The following PCNX1 variants were observed in gnomAD, a reference collection of about 807,000 sequenced individuals.
PCNX1 encodes the protein pecanex-like protein 1.
PCNX1 carries 78 observed loss-of-function variants against 242.2 expected under a neutral mutation model. That is an observed-to-expected ratio of 0.32 (90% CI 0.27 to 0.39). PCNX1 has a LOEUF of 0.39. Ranked by LOEUF, PCNX1 falls within the 10% of genes least tolerant of loss-of-function variation. The pLI, the probability that PCNX1 is intolerant of heterozygous loss-of-function variation, is 1.00. For synonymous variants in PCNX1, 1,024 were observed against 1,032.9 expected (o/e 0.99, Z 0.17); for missense variants, 2,581 against 2,856.5 (o/e 0.90, Z 2.20).
rs1248425945 is a variant in PCNX1 at position 71,113,196 on chromosome 14, A to G, written c.*3261A>G. 6.6e-6 allele frequency: 1 copy of G among 152,248 alleles called. No individual in the cohort carries two copies. The highest frequency in any genetic ancestry group is 2.4e-5 in the African/African-American group (1 of 41,472). The allele number at this position is 152,248 out of a possible 1,614,324, so 9.4% of individuals were successfully genotyped here. On this transcript the variant is annotated 3_prime_UTR_variant, in exon 36 of 36. Transcript: ENST00000304743. Reference sequence around the variant, plus strand: ...AGGAAATTAGTGAACAAACTTAACCAGTGTTCTGCCTTCTTTGACTTTGTT... The same window carrying G: ...AGGAAATTAGTGAACAAACTTAACCGGTGTTCTGCCTTCTTTGACTTTGTT...
chr14:71,039,679 A>G (rs1306622240), intron 19 of PCNX1, among the ~76,000 whole-genome samples: 1 of 152,196 alleles, frequency 6.6e-6, no homozygotes, highest in Non-Finnish European at 1.5e-5. Flanking sequence ...TGACTACCAC[A>G]GTCCATCAGT....
intron 8 of PCNX1, among the ~76,000 whole-genome samples, chr14:70,998,523 G>A (rs964450430): frequency 1.3e-5 from 2 of 151,644 alleles, no homozygotes; most frequent in African/African-American, 2.4e-5. Flanking sequence ...GGCCAAGACG[G>A]GCAGATCACT....
intron 5 of PCNX1, among the ~76,000 whole-genome samples, chr14:70,971,526 C>G (rs2058542508): frequency 6.6e-6 from 1 of 152,182 alleles, no homozygotes; most frequent in Non-Finnish European, 1.5e-5. Flanking sequence ...ACTCTTGGCA[C>G]TGTTTTAAGT....
rs1318441317 is a variant in PCNX1 at position 71,076,264 on chromosome 14, C to T, written c.5182C>T (p.Arg1728Cys). The change falls in exon 28 of 36, where the codon CGT (arginine) becomes TGT (cysteine). Residue 1728 changes from arginine (R) to cysteine (C), a missense_variant. Transcript: ENST00000304743. Reference protein sequence around the residue: ...LANETMQEGLRLCADRNYVDV... With the variant: ...LANETMQEGLCLCADRNYVDV... ...TAATGAGACAATGCAGGAAGGACTT[C>T]GTCTGTGTGCTGATCGCAATTATGT... The T allele has an allele frequency of 1.2e-6, 2 of 1,613,620 alleles. No homozygotes were observed. Among genetic ancestry groups the T allele is most frequent in the Non-Finnish European group, 1.7e-6 (2 of 1,179,894 alleles).
chr14:71,021,130 T>C (rs1314258569), intron 12 of PCNX1, among the ~76,000 whole-genome samples: 2 of 152,222 alleles, frequency 1.3e-5, no homozygotes, highest in African/African-American at 2.4e-5. Context: ...ATATCTGTTT[T>C]GGTACCAGTA....
At chr14:71,003,207 G>A (rs2332506) in intron 8 of PCNX1, among the ~76,000 whole-genome samples, 4 of 150,728 alleles carry the variant, frequency 2.7e-5, no homozygotes, top group African/African-American at 7.3e-5. Context: ...CCTCAGCCCC[G>A]CAAGTAGCTG....
chr14:71,076,460 T>A, intron 28 of PCNX1, 41 bp downstream of exon 28: 1 of 1,331,490 alleles, frequency 7.5e-7, no homozygotes, highest in Admixed American at 1.7e-5. Context: ...ATCCAGGTTT[T>A]TCCAAAGATG....
chr14:71,035,763 G>A (rs1339219108), intron 18 of PCNX1, among the ~76,000 whole-genome samples: 1 of 151,986 alleles, frequency 6.6e-6, no homozygotes, highest in Non-Finnish European at 1.5e-5. Context: ...CAAAATATTA[G>A]CTGGGTATGG....
intron 27 of PCNX1, among the ~76,000 whole-genome samples, chr14:71,074,120 G>A (rs2061653359): frequency 6.6e-6 from 1 of 152,162 alleles, no homozygotes; most frequent in Non-Finnish European, 1.5e-5. Context: ...CTGTAAAGAA[G>A]TATTTCCCTA....
chr14:71,009,251 C>T (rs895749552), intron 8 of PCNX1, among the ~76,000 whole-genome samples: 1 of 152,128 alleles, frequency 6.6e-6, no homozygotes, highest in Non-Finnish European at 1.5e-5. Context: ...TGAGCTATTC[C>T]AAATTTAAGA....
chr14:71,032,157 C>G (rs1315813025), intron 16 of PCNX1, among the ~76,000 whole-genome samples: 1 of 152,224 alleles, frequency 6.6e-6, no homozygotes, highest in African/African-American at 2.4e-5. Flanking sequence ...CTCACCCCAG[C>G]CTGCACTACA....
intron 8 of PCNX1, among the ~76,000 whole-genome samples, chr14:70,997,667 G>C (rs8007026): frequency 0.36 from 54,739 of 151,894 alleles, 10,161 homozygotes; most frequent in East Asian, 0.62. Flanking sequence ...TATCGTATTT[G>C]AATGGTGCCA....
At chr14:70,914,980 A>G (rs2056092234) in intron 1 of PCNX1, among the ~76,000 whole-genome samples, 1 of 152,046 alleles carries the variant, frequency 6.6e-6, no homozygotes, top group Non-Finnish European at 1.5e-5. Flanking sequence ...TTTCATTATA[A>G]ATTAGGTTAT....
At chr14:70,912,358 C>T (rs945948939) in intron 1 of PCNX1, among the ~76,000 whole-genome samples, 3 of 152,278 alleles carry the variant, frequency 2.0e-5, no homozygotes, top group East Asian at 1.9e-4. Flanking sequence ...CTTTCTTATT[C>T]GGTAGATCTG....
At chr14:70,931,224 A>G (rs2056786900) in intron 1 of PCNX1, among the ~76,000 whole-genome samples, 1 of 152,176 alleles carries the variant, frequency 6.6e-6, no homozygotes, top group African/African-American at 2.4e-5. Context: ...GGGTTTTTCT[A>G]TCATTGTGAG....
intron 19 of PCNX1, among the ~76,000 whole-genome samples, chr14:71,038,869 A>T (rs1309939395): frequency 1.3e-5 from 2 of 151,536 alleles, no homozygotes; most frequent in African/African-American, 4.9e-5. Context: ...TGGCACATAT[A>T]CACCATGGAA....
Position 70,962,323 on chromosome 14 carries a change from A to G in PCNX1, c.460A>G (p.Ser154Gly). 1.2e-6 allele frequency: 2 copies of G among 1,604,022 alleles called. No homozygotes were observed. Among genetic ancestry groups the G allele is most frequent in the Middle Eastern group, 1.7e-4 (1 of 6,036 alleles). The change falls in exon 3 of 36, where the codon AGC (serine) becomes GGC (glycine). Residue 154 changes from serine to glycine, a missense_variant. Transcript: ENST00000304743. Reference sequence around the variant, plus strand: ...AAATTCTTATGCCGGTCTAGATCCAAGCAACCAGGTAGGAACCTGCGCTGT... The same window carrying G: ...AAATTCTTATGCCGGTCTAGATCCAGGCAACCAGGTAGGAACCTGCGCTGT... Reference protein sequence around the residue: ...SRNSYAGLDPSNQIGSGSSRL... With the variant: ...SRNSYAGLDPGNQIGSGSSRL...
Position 71,088,214 on chromosome 14 carries a change from A to T in PCNX1, c.5338-116A>T, listed in dbSNP as rs529905875. The T allele has an allele frequency of 1.0e-4, 52 of 519,938 alleles. 1 individual carries two copies. In the South Asian group the frequency reaches 1.6e-3, roughly 16 times the overall value. 32.2% of individuals were successfully genotyped at this position (519,938 alleles called of 1,614,324 possible). A position where few individuals can be genotyped will look rare whatever the true frequency, so the allele number is the denominator to read the frequency against. On this transcript the variant is annotated intron_variant, in intron 28 of 35. Coordinates refer to ENST00000304743, the MANE Select transcript of PCNX1 (RefSeq NM_014982.3). The stretch of plus-strand genomic sequence containing the variant: ...CAGTTTTATTAAGTTTATTTTGAGG[A>T]GATAGAAATTATGTACTCTTTGAAT...
At chr14:70,990,283 T>C in intron 7 of PCNX1, among the ~76,000 whole-genome samples, 1 of 151,914 alleles carries the variant, frequency 6.6e-6, no homozygotes, top group East Asian at 1.9e-4. Flanking sequence ...ATAAAAAGGC[T>C]GGGCGCTGTG....
Sources: allele counts gnomAD v4.1 joint callset (sites outside exome capture counted in the v4.1 genomes callset), GRCh38; gene constraint gnomAD v4.1.1; transcripts MANE v1.5; gene names NCBI Gene and HGNC (gene_info 2026-07-23, HGNC 2026-07-21).